Variants in NEB observed in about 807,000 individuals in gnomAD.
The protein encoded by NEB is nebulin.
A neutral mutation model predicts 952.2 loss-of-function variants in NEB; 512 were observed. That is an observed-to-expected ratio of 0.54 (90% CI 0.50 to 0.58). The LOEUF is 0.58. Ranked by LOEUF, NEB falls within the 20% of genes least tolerant of loss-of-function variation. NEB has a pLI of 0.00. For synonymous variants in NEB, 2,900 were observed against 3,149.8 expected, an observed-to-expected ratio of 0.92 and a Z score of 2.66; for missense variants, 8,428 against 9,231.1, an observed-to-expected ratio of 0.91 and a Z score of 3.56.
At chr2:151,733,304 T>C (rs1309940873) in intron 2 of NEB, 119 bp from the exon 3 acceptor site, 1 of 737,206 alleles carries the variant, frequency 1.4e-6, no homozygotes, top group African/African-American at 1.8e-5. Flanking sequence ...CATATATTGT[T>C]GCAGGCTAAA....
chr2:151,641,324 TTTTTGTTTTG>T (rs543983879), intron 60 of NEB, among the ~76,000 whole-genome samples: 1 of 152,148 alleles, frequency 6.6e-6, no homozygotes, highest in Non-Finnish European at 1.5e-5. Flanking sequence ...ATGACTGTTT[TTTTTGTTTTG>T]TTTTGTTTTG....
At chr2:151,507,818 A>C (rs758124792) in intron 162 of NEB, 187 bp downstream of exon 162, 4 of 573,436 alleles carry the variant, frequency 7.0e-6, no homozygotes, top group Non-Finnish European at 1.2e-5. Flanking sequence ...TGAGTCTTTC[A>C]TGCTGTGATT....
intron 166 of NEB, 113 bp downstream of exon 166, chr2:151,503,232 AACAC>A (rs1454504654): frequency 1.3e-5 from 10 of 765,662 alleles, no homozygotes; most frequent in East Asian, 5.3e-5. Context: ...AATAATACAC[AACAC>A]ACACAGACAC....
intron 53 of NEB, 92 bp from the exon 54 acceptor site, chr2:151,650,471 G>C: frequency 6.0e-6 from 9 of 1,500,580 alleles, no homozygotes; most frequent in Non-Finnish European, 7.3e-6. Context: ...ATGCATTTTA[G>C]ATTTTCAATA....
intron 10 of NEB, among the ~76,000 whole-genome samples, chr2:151,713,079 C>T (rs761661139): frequency 1.3e-5 from 2 of 152,154 alleles, no homozygotes; most frequent in Admixed American, 6.5e-5. Context: ...GACCATGTGT[C>T]CATAGATACA....
intron 36 of NEB, 122 bp downstream of exon 36, chr2:151,674,355 T>C (rs2099340345): frequency 1.2e-6 from 1 of 855,532 alleles, no homozygotes; most frequent in Non-Finnish European, 1.9e-6. Flanking sequence ...CCAAACAATA[T>C]TTTGAGAATT....
Position 151,639,852 on chromosome 2 carries a change from C to T in NEB, c.8889+5G>A, listed in dbSNP as rs2098825976. ...CCACTTCGATTCTTAATTTTGAAGT[C>T]TCACCTTGTTCATAGTGATGGCATT... On this transcript the variant is annotated splice_donor_5th_base_variant and intron_variant, in intron 62 of 181. Coordinates refer to ENST00000397345, the MANE Select transcript of NEB (RefSeq NM_001164508.2). The T allele has an allele frequency of 2.5e-6, 4 of 1,608,394 alleles. No individual in the cohort carries two copies. Among genetic ancestry groups the T allele is most frequent in the Admixed American group, 3.4e-5 (2 of 59,506 alleles).
chr2:151,706,876 CT>C lies in NEB; in HGVS notation c.1152+4del. ...TTAAAAACACTTTGACAAAAATATA[CT>C]TACGTCACTTAGGGCATCTCCTGCT... On this transcript the variant is annotated splice_donor_region_variant and intron_variant, in intron 13 of 181. Coordinates refer to ENST00000397345, the MANE Select transcript of NEB (RefSeq NM_001164508.2). The C allele has an allele frequency of 6.3e-7, 1 of 1,582,528 alleles. No individual in the cohort carries two copies. The highest frequency in any genetic ancestry group is 1.2e-5 in the South Asian group (1 of 85,548).
At chr2:151,641,445 C>T (rs998395156) in intron 60 of NEB, among the ~76,000 whole-genome samples, 12 of 152,212 alleles carry the variant, frequency 7.9e-5, no homozygotes, top group African/African-American at 2.4e-4. Context: ...GATCCTCCCA[C>T]CTCAGCTTCT....
At chr2:151,724,480 C>T (rs2099784508) in intron 7 of NEB, 116 bp from the exon 8 acceptor site, 2 of 751,962 alleles carry the variant, frequency 2.7e-6, no homozygotes, top group Non-Finnish European at 4.7e-6. Flanking sequence ...CAATGGGTTA[C>T]TAGGAAAACA....
At chr2:151,715,244 T>TTAA (rs1279981448) in intron 10 of NEB, among the ~76,000 whole-genome samples, 69 of 152,340 alleles carry the variant, frequency 4.5e-4, no homozygotes, top group African/African-American at 1.6e-3. Context: ...GGAAATAACT[T>TTAA]TAATAATACA....
At chr2:151,533,687 C>A in intron 142 of NEB, 141 bp from the exon 143 acceptor site, 1 of 597,360 alleles carries the variant, frequency 1.7e-6, no homozygotes. Flanking sequence ...GTGAAGACAT[C>A]AAATACATTA....
chr2:151,642,536 G>A lies in NEB; in HGVS notation c.8373+38C>T, dbSNP rs541363612. The A allele has an allele frequency of 2.6e-6, 4 of 1,542,180 alleles. No homozygotes were observed. In the African/African-American group the frequency reaches 4.1e-5, roughly 16 times the overall value. ...CCAGGAGAGAGAAATAAATCTTTGA[G>A]CCAAAGCTAAGGCAAATAACTTTCC... On this transcript the variant is annotated intron_variant, in intron 60 of 181. Transcript: ENST00000397345.
intron 83 of NEB, among the ~76,000 whole-genome samples, chr2:151,607,294 G>T (rs1167927611): frequency 9.7e-6 from 1 of 103,068 alleles, no homozygotes; most frequent in African/African-American, 2.6e-5. Context: ...CCCATATCCT[G>T]CAGTCTAGGC....
intron 65 of NEB, 145 bp downstream of exon 65, chr2:151,633,509 T>C: frequency 8.1e-7 from 1 of 1,240,874 alleles, no homozygotes; most frequent in East Asian, 2.6e-5. Flanking sequence ...GTATTCATAA[T>C]AAAGCAATAA....
At chr2:151,630,658 C>G in intron 67 of NEB, 57 bp downstream of exon 67, 1 of 1,417,410 alleles carries the variant, frequency 7.1e-7, no homozygotes, top group East Asian at 2.4e-5. Context: ...AGAATCTCCA[C>G]AAAACTAAGT....
rs372545569 is a variant in NEB, at chr2:151,719,798, G to A, written c.718-2278C>T. Among the ~76,000 whole-genome samples the A allele has an allele frequency of 6.3e-4, 95 of 150,642 alleles. 1 individual carries two copies. In the South Asian group the frequency reaches 0.02, roughly 31 times the overall value. Reference sequence around the variant, plus strand: ...GGAGGCTGAAGTGAGAGGATCACTTGAGCCTGGGAGGTGGAGGTTGCAATA... The same window carrying A: ...GGAGGCTGAAGTGAGAGGATCACTTAAGCCTGGGAGGTGGAGGTTGCAATA... On this transcript the variant is annotated intron_variant, in intron 9 of 181. Coordinates refer to ENST00000397345, the MANE Select transcript of NEB (RefSeq NM_001164508.2).
intron 35 of NEB, 67 bp downstream of exon 35, chr2:151,675,220 C>T: frequency 9.0e-7 from 1 of 1,109,168 alleles, no homozygotes; most frequent in Middle Eastern, 1.9e-4. Context: ...AGGCACCATC[C>T]TACTCTTAAA....
At chr2:151,622,635 T>C (rs1350900779) in intron 71 of NEB, among the ~76,000 whole-genome samples, 1 of 152,164 alleles carries the variant, frequency 6.6e-6, no homozygotes, top group Non-Finnish European at 1.5e-5. Flanking sequence ...TAAGAGAAAA[T>C]TGTACACATT....
Sources: gnomAD v4.1 joint callset for allele counts (sites outside exome capture counted in the v4.1 genomes callset) on GRCh38, gnomAD v4.1.1 for gene constraint, MANE v1.5 for transcripts, NCBI Gene and HGNC (gene_info 2026-07-23, HGNC 2026-07-21) for gene names.